SLC24A2: variants seen among roughly 807,000 people sequenced by gnomAD.
SLC24A2 encodes sodium/potassium/calcium exchanger 2.
Under a neutral mutation model 62.0 loss-of-function variants are expected in SLC24A2, and 36 were observed. That is an observed-to-expected ratio of 0.58 (90% CI 0.44 to 0.77). The LOEUF (loss-of-function observed/expected upper bound fraction) is 0.77. Ranked by LOEUF, SLC24A2 falls within the 30% of genes least tolerant of loss-of-function variation. SLC24A2 has a pLI of 0.00. For synonymous variants in SLC24A2, 358 were observed against 294.0 expected, an observed-to-expected ratio of 1.22 and a Z score of -2.23; for missense variants, 846 against 817.9, an observed-to-expected ratio of 1.03 and a Z score of -0.42.
chr9:20,261,076 G>T, the SLC24A2 span, among the ~76,000 whole-genome samples: 1 of 151,672 alleles, frequency 6.6e-6, no homozygotes, highest in Admixed American at 6.6e-5. Flanking sequence ...GGATGGTCTC[G>T]ATCTCTTGAC....
chr9:20,296,189 A>G, the SLC24A2 span, among the ~76,000 whole-genome samples: 2 of 152,248 alleles, frequency 1.3e-5, no homozygotes, highest in Non-Finnish European at 2.9e-5. Flanking sequence ...TATACTTACG[A>G]AATGTATAGA....
At chr9:19,837,401 G>GA in the SLC24A2 span, among the ~76,000 whole-genome samples, 6 of 131,004 alleles carry the variant, frequency 4.6e-5, no homozygotes, top group East Asian at 1.5e-3. Flanking sequence ...GCAGTGAGCC[G>GA]AGATTGCGCC....
intron 2 of SLC24A2, among the ~76,000 whole-genome samples, chr9:19,754,226 G>A (rs1822067525): frequency 6.6e-6 from 1 of 152,102 alleles, no homozygotes; most frequent in African/African-American, 2.4e-5. Flanking sequence ...CACAGGCCCT[G>A]CCCCACTCAT....
chr9:19,914,355 C>A, the SLC24A2 span, among the ~76,000 whole-genome samples: 2 of 124,866 alleles, frequency 1.6e-5, no homozygotes, highest in African/African-American at 5.3e-5. Flanking sequence ...TTTCCATTAT[C>A]ACGAAAATAA....
At chr9:19,662,032 C>T (rs935836783) in intron 2 of SLC24A2, among the ~76,000 whole-genome samples, 3 of 152,152 alleles carry the variant, frequency 2.0e-5, no homozygotes, top group Non-Finnish European at 2.9e-5. Context: ...GTTCAAGCTC[C>T]ATGTCCTTCT....
intron 4 of SLC24A2, among the ~76,000 whole-genome samples, chr9:19,610,841 T>C (rs1045755553): frequency 1.3e-5 from 2 of 152,196 alleles, no homozygotes; most frequent in Admixed American, 6.5e-5. Context: ...GCAGAAAAAT[T>C]ATAAAGGCAA....
chr9:20,024,485 G>A, the SLC24A2 span, among the ~76,000 whole-genome samples: 1 of 152,196 alleles, frequency 6.6e-6, no homozygotes, highest in Admixed American at 6.5e-5. Flanking sequence ...TTTTTGACAA[G>A]GCTTCCAAGC....
chr9:19,639,955 C>G (rs1818451110), intron 2 of SLC24A2, among the ~76,000 whole-genome samples: 1 of 152,234 alleles, frequency 6.6e-6, no homozygotes, highest in South Asian at 2.1e-4. Flanking sequence ...AAGCCCCAAA[C>G]CATATGCCCT....
At chr9:19,588,326 G>A (rs1307343126) in intron 5 of SLC24A2, among the ~76,000 whole-genome samples, 1 of 152,046 alleles carries the variant, frequency 6.6e-6, no homozygotes, top group Admixed American at 6.6e-5. Context: ...TATTGGAAAT[G>A]GTGTCTGTGC....
chr9:19,770,735 C>T (rs1822661451), intron 2 of SLC24A2, among the ~76,000 whole-genome samples: 1 of 152,170 alleles, frequency 6.6e-6, no homozygotes, highest in East Asian at 1.9e-4. Flanking sequence ...TAAAACTTAA[C>T]ATTGACCATT....
chr9:19,873,362 CTCTT>C, the SLC24A2 span, among the ~76,000 whole-genome samples: 237 of 147,310 alleles, frequency 1.6e-3, no homozygotes, highest in Middle Eastern at 0.014. Flanking sequence ...TTCCTTCCTT[CTCTT>C]TCTTTCTTTC....
chr9:20,198,753 C>A, the SLC24A2 span, among the ~76,000 whole-genome samples: 13 of 151,952 alleles, frequency 8.6e-5, no homozygotes, highest in African/African-American at 3.1e-4. Flanking sequence ...TACTTAGTAG[C>A]CTGGGTTTCG....
the SLC24A2 span, among the ~76,000 whole-genome samples, chr9:20,066,379 G>C: frequency 6.6e-6 from 1 of 152,092 alleles, no homozygotes; most frequent in Non-Finnish European, 1.5e-5. Context: ...TTGAGGGAGA[G>C]AGAAGAAAGA....
At chr9:20,211,647 C>T in the SLC24A2 span, among the ~76,000 whole-genome samples, 1 of 152,212 alleles carries the variant, frequency 6.6e-6, no homozygotes, top group East Asian at 1.9e-4. Context: ...AACTGTCAAA[C>T]ATTATTCTTA....
intron 2 of SLC24A2, among the ~76,000 whole-genome samples, chr9:19,754,689 G>A (rs1822085624): frequency 1.3e-5 from 2 of 151,212 alleles, no homozygotes; most frequent in South Asian, 4.2e-4. Context: ...TTGTAACTAG[G>A]ATCCTAAGCA....
chr9:19,588,272 T>A (rs1587001130), intron 5 of SLC24A2, among the ~76,000 whole-genome samples: 1 of 149,010 alleles, frequency 6.7e-6, no homozygotes, highest in African/African-American at 2.6e-5. Flanking sequence ...GTTTGAACTG[T>A]ATGAGTTAAG....
intron 2 of SLC24A2, among the ~76,000 whole-genome samples, chr9:19,708,021 T>A (rs201428425): frequency 3.3e-5 from 5 of 152,178 alleles, no homozygotes; most frequent in African/African-American, 7.2e-5. Context: ...GTCTCAGCCC[T>A]AAATCTCCTT....
the SLC24A2 span, among the ~76,000 whole-genome samples, chr9:19,986,244 G>C: frequency 6.6e-6 from 1 of 152,036 alleles, no homozygotes; most frequent in Non-Finnish European, 1.5e-5. Flanking sequence ...ACACCCACTA[G>C]GCTAGCTATA....
intron 2 of SLC24A2, among the ~76,000 whole-genome samples, chr9:19,671,377 G>C (rs796323189): frequency 3.3e-5 from 5 of 151,070 alleles, no homozygotes; most frequent in African/African-American, 1.2e-4. Flanking sequence ...GTGTATAGCA[G>C]AACTACTCAT....
Sources: gnomAD v4.1 joint callset for allele counts (sites outside exome capture counted in the v4.1 genomes callset) on GRCh38, gnomAD v4.1.1 for gene constraint, MANE v1.5 for transcripts, NCBI Gene and HGNC (gene_info 2026-07-23, HGNC 2026-07-21) for gene names.